The following INPP4B variants were observed in gnomAD, a reference collection of about 807,000 sequenced individuals.
INPP4B encodes the protein inositol polyphosphate 4-phosphatase type II.
INPP4B carries 55 observed loss-of-function variants against 122.5 expected under a neutral mutation model. The observed-to-expected ratio is 0.45, with a 90% confidence interval of 0.36 to 0.56. The LOEUF (loss-of-function observed/expected upper bound fraction) is 0.56, where lower values mean the gene tolerates loss of function less well. INPP4B is among the 20% of genes least tolerant of loss of function. The pLI is 0.00. For missense variants in INPP4B, 1,000 were observed against 1,097.7 expected, an observed-to-expected ratio of 0.91 and a Z score of 1.26; for synonymous variants, 403 against 388.7, an observed-to-expected ratio of 1.04 and a Z score of -0.43.
chr4:142,511,348 T>C (rs1361700776), intron 2 of INPP4B, among the ~76,000 whole-genome samples: 1 of 152,146 alleles, frequency 6.6e-6, no homozygotes, highest in African/African-American at 2.4e-5. Flanking sequence ...CTACAGAAGC[T>C]ACAGAATTAC....
At chr4:142,111,494 C>T (rs1049915078) in intron 22 of INPP4B, among the ~76,000 whole-genome samples, 2 of 151,744 alleles carry the variant, frequency 1.3e-5, no homozygotes, top group Non-Finnish European at 2.9e-5. Flanking sequence ...TTACAGGCAC[C>T]CGCCACTATG....
At chr4:142,225,470 A>G (rs1851130524) in intron 12 of INPP4B, among the ~76,000 whole-genome samples, 1 of 151,102 alleles carries the variant, frequency 6.6e-6, no homozygotes, top group Non-Finnish European at 1.5e-5. Context: ...TCATATATAC[A>G]TATTCCTATT....
chr4:142,164,556 C>G (rs1341871625), intron 16 of INPP4B, among the ~76,000 whole-genome samples: 1 of 151,712 alleles, frequency 6.6e-6, no homozygotes, highest in African/African-American at 2.4e-5. Context: ...GTTAGACTAA[C>G]AGCTAGGAGG....
intron 23 of INPP4B, among the ~76,000 whole-genome samples, chr4:142,101,195 ACC>A (rs1784316383): frequency 6.6e-6 from 1 of 152,134 alleles, no homozygotes; most frequent in African/African-American, 2.4e-5. Context: ...GCAGCAATGA[ACC>A]ACATTGGGAT....
At chr4:142,193,529 A>G (rs563349373) in intron 14 of INPP4B, among the ~76,000 whole-genome samples, 2 of 152,262 alleles carry the variant, frequency 1.3e-5, no homozygotes, top group East Asian at 3.9e-4. Flanking sequence ...TACTTCATTG[A>G]GTTTTGCATC....
At chr4:142,042,451 C>A (rs2667092) in intron 25 of INPP4B, among the ~76,000 whole-genome samples, 1 of 151,928 alleles carries the variant, frequency 6.6e-6, no homozygotes, top group East Asian at 1.9e-4. Context: ...TCTGTACAAT[C>A]TCTTGTTTTT....
chr4:142,339,969 A>G (rs1414151949), intron 7 of INPP4B, among the ~76,000 whole-genome samples: 1 of 152,186 alleles, frequency 6.6e-6, no homozygotes, highest in Non-Finnish European at 1.5e-5. Context: ...GAATAGATAT[A>G]CCTCAGGGGG....
At chr4:142,639,279 A>G (rs183059623) in intron 2 of INPP4B, among the ~76,000 whole-genome samples, 1 of 152,300 alleles carries the variant, frequency 6.6e-6, no homozygotes, top group East Asian at 1.9e-4. Flanking sequence ...GACCTAATAG[A>G]ATGAGTTAGA....
chr4:142,028,827 C>A lies in INPP4B; in HGVS notation c.2730G>T (p.Lys910Asn). The A allele has an allele frequency of 3.1e-6, 5 of 1,613,506 alleles. No homozygotes were observed. The highest frequency in any genetic ancestry group is 4.2e-6 in the Non-Finnish European group (5 of 1,179,660). Residue 910 changes from lysine to asparagine, a missense_variant, in exon 26 of 26, where the codon AAG (lysine) becomes AAT (asparagine). Physicochemically the swap from Lys to Asn is moderately conservative, Grantham distance 94. Transcript: ENST00000262992. ...AAGTCCCCTCTGGAGGTCTGTAGTA[C>A]TTGGGGAAAGCCATCAGCTGTAGCA... Reference protein sequence around the residue: ...FNMLQLMAFPKYYRPPEGTYG... With the variant: ...FNMLQLMAFPNYYRPPEGTYG...
At chr4:142,376,042 T>G (rs565916069) in intron 7 of INPP4B, among the ~76,000 whole-genome samples, 1 of 152,160 alleles carries the variant, frequency 6.6e-6, no homozygotes, top group Non-Finnish European at 1.5e-5. Flanking sequence ...TCAAATTTAT[T>G]ATAATGAAAA....
At chr4:142,046,103 A>AAACT (rs1751251763) in intron 25 of INPP4B, among the ~76,000 whole-genome samples, 1 of 152,020 alleles carries the variant, frequency 6.6e-6, no homozygotes, top group South Asian at 2.1e-4. Context: ...TCTACAAAAC[A>AAACT]AACTTTGAGA....
chr4:142,762,109 C>T (rs753443289), intron 1 of INPP4B, among the ~76,000 whole-genome samples: 9 of 152,154 alleles, frequency 5.9e-5, no homozygotes, highest in Non-Finnish European at 1.3e-4. Context: ...AATGCCCACA[C>T]ACCAGGCTTT....
At chr4:142,536,583 T>C (rs1828220338) in intron 2 of INPP4B, among the ~76,000 whole-genome samples, 1 of 152,172 alleles carries the variant, frequency 6.6e-6, no homozygotes, top group Non-Finnish European at 1.5e-5. Flanking sequence ...TGGTGTGCCC[T>C]GGCATTTTTA....
intron 2 of INPP4B, among the ~76,000 whole-genome samples, chr4:142,554,051 T>C (rs1728559469): frequency 6.6e-6 from 1 of 151,810 alleles, no homozygotes; most frequent in South Asian, 2.1e-4. Context: ...TAGCTGGGCA[T>C]GGTGGCCAGC....
chr4:142,771,655 G>A (rs925864332), intron 1 of INPP4B, among the ~76,000 whole-genome samples: 7 of 152,078 alleles, frequency 4.6e-5, no homozygotes, highest in Admixed American at 2.6e-4. Context: ...TGGCCTGAGC[G>A]GTACTGCAGT....
chr4:142,839,386 A>G (rs1464584793), intron 1 of INPP4B, among the ~76,000 whole-genome samples: 2 of 152,136 alleles, frequency 1.3e-5, no homozygotes, highest in African/African-American at 4.8e-5. Flanking sequence ...GGAACCCGGG[A>G]GGCAGAGGCT....
chr4:142,261,182 A>C (rs560474827), intron 10 of INPP4B, among the ~76,000 whole-genome samples: 1 of 152,340 alleles, frequency 6.6e-6, no homozygotes, highest in East Asian at 1.9e-4. Context: ...GAGCACATGG[A>C]CATGTTCCTA....
At chr4:142,201,031 G>C (rs1840401684) in intron 14 of INPP4B, among the ~76,000 whole-genome samples, 3 of 152,010 alleles carry the variant, frequency 2.0e-5, no homozygotes. Context: ...CAAAAAGCTT[G>C]AATCTTTGTG....
At chr4:142,189,671 A>G (rs902101923) in intron 15 of INPP4B, among the ~76,000 whole-genome samples, 2 of 152,178 alleles carry the variant, frequency 1.3e-5, no homozygotes, top group Non-Finnish European at 2.9e-5. Context: ...AAATGAGGAG[A>G]ACAGAATAAA....
Sources: gnomAD v4.1 joint callset for allele counts (sites outside exome capture counted in the v4.1 genomes callset) on GRCh38, gnomAD v4.1.1 for gene constraint, MANE v1.5 for transcripts, NCBI Gene and HGNC (gene_info 2026-07-23, HGNC 2026-07-21) for gene names.